Variants in ATG10 observed in about 807,000 individuals in gnomAD.
ATG10 encodes the protein autophagy related 10, also known as ubiquitin-like-conjugating enzyme ATG10.
Under a neutral mutation model 32.1 loss-of-function variants are expected in ATG10, and 30 were observed. The observed-to-expected ratio is 0.94, with a 90% CI of 0.70 to 1.27. The LOEUF (loss-of-function observed/expected upper bound fraction) is 1.27, where lower values mean the gene tolerates loss of function less well. Among genes scored for constraint, ATG10 ranks in the 50% most tolerant of loss-of-function variants. The pLI, the probability that ATG10 is intolerant of heterozygous loss-of-function variation, is 0.00. For synonymous variants in ATG10, 87 were observed against 91.5 expected (o/e 0.95, Z 0.28); for missense variants, 233 against 262.3 (o/e 0.89, Z 0.77).
chr5:82,079,207 A>G (rs1764382801), intron 3 of ATG10, among the ~76,000 whole-genome samples: 1 of 152,148 alleles, frequency 6.6e-6, no homozygotes, highest in East Asian at 1.9e-4. Context: ...TGCTGCTGAT[A>G]GAGATATACC....
In ATG10 at chr5:82,056,431, T is replaced by TG. The variant is rs1401384624; in HGVS notation, c.109-2064_109-2063insG. Among the ~76,000 whole-genome samples, 218 of 148,720 alleles carry TG rather than the reference T, an allele frequency of 1.5e-3. 2 individuals carry two copies. Among genetic ancestry groups the TG allele is most frequent in the Middle Eastern group, 3.4e-3 (1 of 292 alleles). On this transcript the variant is annotated intron_variant, in intron 2 of 7. Transcript: ENST00000282185. ...TTTAATTACATGATGGCTGCCAGGT[T>TG]TTTTTTTTTTTTTTTTTTGTGGTCT...
At chr5:82,063,972 C>G (rs1358939698) in intron 3 of ATG10, among the ~76,000 whole-genome samples, 2 of 152,048 alleles carry the variant, frequency 1.3e-5, no homozygotes, top group African/African-American at 4.8e-5. Context: ...GTACCCTGAA[C>G]TGAAAAGTTA....
intron 2 of ATG10, among the ~76,000 whole-genome samples, chr5:82,052,726 T>C (rs1004618391): frequency 1.3e-5 from 2 of 152,176 alleles, no homozygotes; most frequent in African/African-American, 4.8e-5. Flanking sequence ...TTTAAACATA[T>C]GGTAGCATGC....
At chr5:82,136,265 A>T (rs1026094504) in intron 3 of ATG10, among the ~76,000 whole-genome samples, 1 of 152,198 alleles carries the variant, frequency 6.6e-6, no homozygotes, top group African/African-American at 2.4e-5. Context: ...TGATCATGTC[A>T]GTATGATGCT....
At chr5:82,148,455 A>C (rs2149876662) in intron 3 of ATG10, among the ~76,000 whole-genome samples, 1 of 152,296 alleles carries the variant, frequency 6.6e-6, no homozygotes, top group Admixed American at 6.5e-5. Flanking sequence ...TGCATCATGA[A>C]ATCTGAATCT....
intron 2 of ATG10, among the ~76,000 whole-genome samples, chr5:82,039,281 G>C (rs1431638850): frequency 6.6e-6 from 1 of 152,204 alleles, no homozygotes; most frequent in East Asian, 1.9e-4. Context: ...CATTCCATGA[G>C]TCACTTTATT....
chr5:82,144,507 C>A (rs974309073), intron 3 of ATG10, among the ~76,000 whole-genome samples: 7 of 151,588 alleles, frequency 4.6e-5, no homozygotes, highest in Non-Finnish European at 7.4e-5. Flanking sequence ...TATTTTATTG[C>A]ATTTTTATTA....
intron 3 of ATG10, among the ~76,000 whole-genome samples, chr5:82,129,668 C>T (rs1221393499): frequency 2.0e-5 from 3 of 152,138 alleles, no homozygotes; most frequent in Non-Finnish European, 2.9e-5. Context: ...TTATCACCAG[C>T]GGAGGCTGCA....
chr5:82,092,036 C>T (rs1380336755), intron 3 of ATG10, among the ~76,000 whole-genome samples: 1 of 152,128 alleles, frequency 6.6e-6, no homozygotes, highest in Non-Finnish European at 1.5e-5. Flanking sequence ...GCATATACTT[C>T]AAATGGATAT....
chr5:82,209,383 GATC>G (rs762544634), intron 5 of ATG10, among the ~76,000 whole-genome samples: 2 of 152,124 alleles, frequency 1.3e-5, no homozygotes, highest in African/African-American at 2.4e-5. Flanking sequence ...GAGGTGATTA[GATC>G]ATGAGAGAAG....
intron 3 of ATG10, among the ~76,000 whole-genome samples, chr5:82,062,988 G>A (rs554119128): frequency 2.0e-5 from 3 of 152,196 alleles, no homozygotes; most frequent in African/African-American, 7.2e-5. Context: ...ATAATTAGAG[G>A]TATGGCAATT....
At chr5:82,019,546 G>A (rs1169492204) in intron 2 of ATG10, among the ~76,000 whole-genome samples, 2 of 152,146 alleles carry the variant, frequency 1.3e-5, no homozygotes, top group African/African-American at 4.8e-5. Context: ...CTGCCCTGGG[G>A]AACCATTCCT....
chr5:82,174,142 G>A (rs1465949791), intron 4 of ATG10, among the ~76,000 whole-genome samples: 1 of 152,136 alleles, frequency 6.6e-6, no homozygotes, highest in African/African-American at 2.4e-5. Context: ...TGCTGATTAA[G>A]TTAGATCTTT....
chr5:82,202,192 G>T (rs1225962121), intron 5 of ATG10, among the ~76,000 whole-genome samples: 2 of 152,158 alleles, frequency 1.3e-5, no homozygotes, highest in Non-Finnish European at 2.9e-5. Flanking sequence ...TTTTGTGTCA[G>T]TTGGCCAGGC....
intron 3 of ATG10, among the ~76,000 whole-genome samples, chr5:82,139,785 A>C (rs1365145890): frequency 9.8e-6 from 1 of 101,924 alleles, no homozygotes; most frequent in South Asian, 3.7e-4. Context: ...GGCCGCCCCT[A>C]CTGGGAAGTG....
intron 5 of ATG10, among the ~76,000 whole-genome samples, chr5:82,233,211 GATA>G (rs888113363): frequency 5.9e-5 from 9 of 152,022 alleles, no homozygotes; most frequent in African/African-American, 1.4e-4. Context: ...CATCTAACTA[GATA>G]ATATTTTTCC....
chr5:82,091,583 A>T (rs1230836084), intron 3 of ATG10, among the ~76,000 whole-genome samples: 1 of 152,190 alleles, frequency 6.6e-6, no homozygotes, highest in Non-Finnish European at 1.5e-5. Flanking sequence ...GCGAGATCAG[A>T]TTTAATCTTA....
intron 3 of ATG10, among the ~76,000 whole-genome samples, chr5:82,068,747 G>GTA (rs370728739): frequency 8.6e-5 from 12 of 139,042 alleles, no homozygotes; most frequent in South Asian, 2.3e-4. Flanking sequence ...TCAACTTAAA[G>GTA]TATATATATA....
chr5:82,218,679 A>T (rs1223518351), intron 5 of ATG10, among the ~76,000 whole-genome samples: 2 of 152,126 alleles, frequency 1.3e-5, no homozygotes, highest in Non-Finnish European at 2.9e-5. Flanking sequence ...CACTTAATTT[A>T]TGGGAGTGCT....
Sources: gnomAD v4.1 joint callset for allele counts (sites outside exome capture counted in the v4.1 genomes callset) on GRCh38, gnomAD v4.1.1 for gene constraint, MANE v1.5 for transcripts, NCBI Gene and HGNC (gene_info 2026-07-23, HGNC 2026-07-21) for gene names.